The following SGCD variants were observed in gnomAD, a reference collection of about 807,000 sequenced individuals.
The protein encoded by SGCD is delta-sarcoglycan.
A neutral mutation model predicts 36.6 loss-of-function variants in SGCD; 18 were observed. The observed-to-expected ratio is 0.49, with a 90% CI of 0.34 to 0.73. SGCD has a LOEUF of 0.73. Ranked by LOEUF, SGCD falls within the 30% of genes least tolerant of loss-of-function variation. The pLI, the probability that SGCD is intolerant of heterozygous loss-of-function variation, is 0.01. For missense variants in SGCD, 387 were observed against 346.7 expected (o/e 1.12, Z -0.92); for synonymous variants, 133 against 130.6 (o/e 1.02, Z -0.12).
chr5:156,068,500 A>C (rs950709912), intron 1 of SGCD, among the ~76,000 whole-genome samples: 2 of 151,790 alleles, frequency 1.3e-5, no homozygotes, highest in African/African-American at 4.9e-5. Flanking sequence ...TATGTGCCAC[A>C]TTTTCTTAAT....
chr5:155,762,182 T>C, the SGCD span, among the ~76,000 whole-genome samples: 1 of 152,122 alleles, frequency 6.6e-6, no homozygotes, highest in Non-Finnish European at 1.5e-5. Context: ...ACCCACCCTT[T>C]CCCAGGCTTG....
chr5:156,473,367 T>C (rs1261921087), intron 3 of SGCD, among the ~76,000 whole-genome samples: 1 of 152,206 alleles, frequency 6.6e-6, no homozygotes, highest in African/African-American at 2.4e-5. Flanking sequence ...TCAATACACC[T>C]AACTTACCAA....
chr5:155,763,862 CCT>C, the SGCD span, among the ~76,000 whole-genome samples: 237 of 147,846 alleles, frequency 1.6e-3, no homozygotes, highest in African/African-American at 1.8e-3. Flanking sequence ...CAATTATATA[CCT>C]CTCTCTCTCT....
chr5:156,721,907 T>C (rs1400389344), intron 7 of SGCD, among the ~76,000 whole-genome samples: 2 of 152,188 alleles, frequency 1.3e-5, no homozygotes, highest in Admixed American at 1.3e-4. Context: ...AGGAAGACTG[T>C]CACATCTATA....
chr5:156,617,444 G>T (rs1269296863), intron 6 of SGCD, among the ~76,000 whole-genome samples: 1 of 152,242 alleles, frequency 6.6e-6, no homozygotes, highest in African/African-American at 2.4e-5. Flanking sequence ...CTCTGGTGCT[G>T]TTAGCCTTGT....
At chr5:156,039,230 A>G (rs1425006588) in intron 1 of SGCD, among the ~76,000 whole-genome samples, 1 of 152,090 alleles carries the variant, frequency 6.6e-6, no homozygotes, top group Non-Finnish European at 1.5e-5. Flanking sequence ...CAGCCAGCAC[A>G]CTTAGTTCTG....
intron 1 of SGCD, among the ~76,000 whole-genome samples, chr5:155,969,662 T>C (rs1193088518): frequency 1.3e-5 from 2 of 152,142 alleles, no homozygotes; most frequent in Admixed American, 1.3e-4. Flanking sequence ...AGACCTGCAA[T>C]AGCTCACTGT....
chr5:156,044,170 A>G (rs1581059392), intron 1 of SGCD, among the ~76,000 whole-genome samples: 1 of 152,192 alleles, frequency 6.6e-6, no homozygotes, highest in East Asian at 1.9e-4. Flanking sequence ...AAGAAGAGGT[A>G]AAATTCATAT....
intron 3 of SGCD, among the ~76,000 whole-genome samples, chr5:156,357,013 T>A (rs2127727113): frequency 6.6e-6 from 1 of 152,220 alleles, no homozygotes; most frequent in East Asian, 1.9e-4. Flanking sequence ...TTTGAGAAAA[T>A]TTATATTGTT....
chr5:156,348,135 G>C (rs988223702), intron 3 of SGCD, among the ~76,000 whole-genome samples: 2 of 151,412 alleles, frequency 1.3e-5, no homozygotes, highest in Admixed American at 1.3e-4. Flanking sequence ...AGTGGAGATC[G>C]TGGGGAAAGA....
chr5:156,125,149 T>G (rs1343340053), intron 3 of SGCD, among the ~76,000 whole-genome samples: 3 of 152,176 alleles, frequency 2.0e-5, no homozygotes, highest in African/African-American at 7.2e-5. Flanking sequence ...GGTAACTCAT[T>G]TGATGCCCTT....
At position 156,482,236 on chromosome 5, in the gene SGCD, C is replaced by G. The variant is rs543876701; in HGVS notation, c.193-26365C>G. Among the ~76,000 whole-genome samples the G allele has an allele frequency of 6.6e-5, 10 of 151,754 alleles. No individual in the cohort carries two copies. The East Asian group carries it at 1.9e-3, about 29-fold the overall frequency. On this transcript the variant is annotated intron_variant, in intron 3 of 8. Coordinates refer to ENST00000337851, the MANE Select transcript of SGCD (RefSeq NM_000337.6). ...CTGAAAGATCACTATGATTTCAGTTCGTGCTGGAAGTTTTCAAAAATTGAA... is the reference window on the plus strand; with the variant it reads ...CTGAAAGATCACTATGATTTCAGTTGGTGCTGGAAGTTTTCAAAAATTGAA...
intron 3 of SGCD, among the ~76,000 whole-genome samples, chr5:156,185,833 GTATA>G (rs1327303412): frequency 4.8e-5 from 1 of 20,778 alleles, no homozygotes; most frequent in African/African-American, 1.6e-4. Flanking sequence ...ATGTGTGTGT[GTATA>G]TATATATATA....
At chr5:156,704,074 A>G (rs905913718) in intron 7 of SGCD, 1 of 152,170 alleles carries the variant, frequency 6.6e-6, no homozygotes, top group Non-Finnish European at 1.5e-5. Flanking sequence ...TCACTGAAAT[A>G]TGATGTGAGA....
intron 1 of SGCD, among the ~76,000 whole-genome samples, chr5:155,882,196 C>A (rs1291468439): frequency 6.6e-6 from 1 of 152,060 alleles, no homozygotes; most frequent in Non-Finnish European, 1.5e-5. Flanking sequence ...GCAGCCTCAA[C>A]TGGGCCCAAG....
At chr5:155,787,171 CTCT>C in the SGCD span, among the ~76,000 whole-genome samples, 1 of 152,162 alleles carries the variant, frequency 6.6e-6, no homozygotes, top group African/African-American at 2.4e-5. Context: ...CTCAGCACAT[CTCT>C]TCTTTTAGGA....
At chr5:156,101,375 T>G (rs562358373) in intron 1 of SGCD, among the ~76,000 whole-genome samples, 12 of 152,340 alleles carry the variant, frequency 7.9e-5, no homozygotes, top group Non-Finnish European at 1.8e-4. Flanking sequence ...TCATATTTCT[T>G]GTAGGTTCCT....
chr5:156,073,801 C>T (rs571273191), intron 1 of SGCD, among the ~76,000 whole-genome samples: 1 of 152,318 alleles, frequency 6.6e-6, no homozygotes, highest in South Asian at 2.1e-4. Flanking sequence ...CTTTTAGCCA[C>T]AGGGGTTTTC....
At chr5:156,012,823 A>G (rs774202520) in intron 1 of SGCD, among the ~76,000 whole-genome samples, 1 of 151,960 alleles carries the variant, frequency 6.6e-6, no homozygotes, top group Non-Finnish European at 1.5e-5. Flanking sequence ...CATGTTAGCC[A>G]GGATGGTCTC....
Sources: allele counts gnomAD v4.1 joint callset (sites outside exome capture counted in the v4.1 genomes callset), GRCh38; gene constraint gnomAD v4.1.1; transcripts MANE v1.5; gene names NCBI Gene and HGNC (gene_info 2026-07-23, HGNC 2026-07-21).